The following ITPR2 variants were observed in gnomAD, a reference collection of about 807,000 sequenced individuals.
ITPR2 encodes the protein inositol 1,4,5-trisphosphate-gated calcium channel ITPR2.
A neutral mutation model predicts 317.1 loss-of-function variants in ITPR2; 207 were observed. That is an observed-to-expected ratio of 0.65 (90% CI 0.58 to 0.73). The LOEUF (loss-of-function observed/expected upper bound fraction) is 0.73. Ranked by LOEUF, ITPR2 falls within the 30% of genes least tolerant of loss-of-function variation. ITPR2 has a pLI of 0.00. For synonymous variants in ITPR2, 1,156 were observed against 1,149.1 expected (o/e 1.01, Z -0.12); for missense variants, 2,613 against 3,284.0 (o/e 0.80, Z 4.99).
At chr12:26,429,352 T>C (rs1396592608) in intron 48 of ITPR2, among the ~76,000 whole-genome samples, 1 of 152,220 alleles carries the variant, frequency 6.6e-6, no homozygotes, top group Non-Finnish European at 1.5e-5. Context: ...ACCAAATTTA[T>C]AATCTGATAA....
chr12:26,532,711 G>A (rs6487558), intron 37 of ITPR2, among the ~76,000 whole-genome samples: 106,166 of 151,966 alleles, frequency 0.7, 38,899 homozygotes, highest in Non-Finnish European at 0.83. Flanking sequence ...TTTTGGAGAC[G>A]GAGTTTTCGA....
chr12:26,365,371 A>C (rs1275844191), intron 55 of ITPR2, among the ~76,000 whole-genome samples: 2 of 152,190 alleles, frequency 1.3e-5, no homozygotes, highest in African/African-American at 4.8e-5. Flanking sequence ...AACTTTAATT[A>C]CATGACTCTT....
Position 26,665,922 on chromosome 12 carries a change from G to A in ITPR2, c.1539C>T (p.Asn513=). 6.2e-7 allele frequency: 1 copy of A among 1,611,822 alleles called. No individual in the cohort carries two copies. The highest frequency in any genetic ancestry group is 8.5e-7 in the Non-Finnish European group (1 of 1,179,438). ...TGAAAAAATTCACCTGTGCCAGTAT[G>A]TTTTGTTCCCTCATCAATTTTTGAC... The part of the protein sequence containing the change: ...RERQKLMREQ[N]ILAQVFGILK... The change falls in exon 14 of 57, where the codon AAC becomes AAT. Residue 513 remains asparagine, a synonymous_variant. Coordinates refer to ENST00000381340, the MANE Select transcript of ITPR2 (RefSeq NM_002223.4).
At chr12:26,495,520 G>A (rs1281076460) in intron 37 of ITPR2, 1 of 364,922 alleles carries the variant, frequency 2.7e-6, no homozygotes, top group African/African-American at 2.1e-5. Context: ...TATTGTGGTG[G>A]TGGTTTCACA....
At chr12:26,604,772 C>T (rs1287445248) in intron 26 of ITPR2, among the ~76,000 whole-genome samples, 1 of 152,168 alleles carries the variant, frequency 6.6e-6, no homozygotes, top group African/African-American at 2.4e-5. Flanking sequence ...ATATTACCTG[C>T]AAGACATTAA....
chr12:26,665,813 C>T (rs1947613071), intron 14 of ITPR2, 97 bp downstream of exon 14: 2 of 1,074,774 alleles, frequency 1.9e-6, no homozygotes, highest in Non-Finnish European at 2.7e-6. Context: ...GTTTTGGGAT[C>T]ATTTGCTTCA....
At position 26,398,985 on chromosome 12, in the gene ITPR2, G is replaced by A. The variant is rs935597820; in HGVS notation, c.7587C>T (p.Ile2529=). 1.2e-5 allele frequency: 20 copies of A among 1,606,754 alleles called. No individual in the cohort carries two copies. The highest frequency in any genetic ancestry group is 1.7e-5 in the Non-Finnish European group (20 of 1,178,060). ...VYDLLFYFIV[I]IIVLNLIFGV... Reference sequence around the variant, plus strand: ...CAAAAATCAAGTTCAGAACAATAATGATAACAATGAAATAAAAAAGAAGGT... The same window carrying A: ...CAAAAATCAAGTTCAGAACAATAATAATAACAATGAAATAAAAAAGAAGGT... Residue 2529 remains isoleucine (I), a synonymous_variant, in exon 54 of 57, where the codon ATC becomes ATT. Coordinates refer to ENST00000381340, the MANE Select transcript of ITPR2 (RefSeq NM_002223.4).
chr12:26,522,094 A>G (rs1467473656), intron 37 of ITPR2, among the ~76,000 whole-genome samples: 1 of 152,240 alleles, frequency 6.6e-6, no homozygotes, highest in Non-Finnish European at 1.5e-5. Flanking sequence ...TTTACTAAGA[A>G]CCAAAAAGAA....
In ITPR2 at chr12:26,624,316, T is replaced by C; in HGVS notation, c.3105A>G (p.Glu1035=). The part of the protein sequence containing the change: ...PDIDEIAAQA[E]TMFAGRKEKN... ...TACTATACCTTCCCGCAAACATAGT[T>C]TCTGCCTGAGCTGCAATTTCATCTA... Residue 1035 remains glutamate, a synonymous_variant, in exon 24 of 57, where the codon GAA becomes GAG. Transcript: ENST00000381340. 2 of 1,608,938 alleles carry C rather than the reference T, an allele frequency of 1.2e-6. No individual in the cohort carries two copies. Among genetic ancestry groups the C allele is most frequent in the Non-Finnish European group, 1.7e-6 (2 of 1,176,582 alleles).
In ITPR2 at chr12:26,832,921, G is replaced by T; in HGVS notation, c.-140C>A. 1 of 660,680 alleles carries T rather than the reference G, an allele frequency of 1.5e-6. No homozygotes were observed. Among genetic ancestry groups the T allele is most frequent in the Non-Finnish European group, 2.6e-6 (1 of 387,606 alleles). 40.9% of individuals were successfully genotyped at this position (660,680 alleles called of 1,614,324 possible). A position where few individuals can be genotyped will look rare whatever the true frequency, so the allele number is the denominator to read the frequency against. On this transcript the variant is annotated 5_prime_UTR_variant, in exon 1 of 57. Transcript: ENST00000381340. ...AGCCGCGGCGGAGGGCACGGCCCGAGCCACTGAGCGTCGCGGCTCAGCCGT... is the reference window on the plus strand; with the variant it reads ...AGCCGCGGCGGAGGGCACGGCCCGATCCACTGAGCGTCGCGGCTCAGCCGT...
intron 45 of ITPR2, among the ~76,000 whole-genome samples, chr12:26,472,537 T>A (rs1315290483): frequency 1.3e-5 from 2 of 152,124 alleles, no homozygotes; most frequent in Non-Finnish European, 2.9e-5. Context: ...CATTTTCACA[T>A]CATTGATATC....
chr12:26,643,826 A>G (rs901602965), intron 21 of ITPR2, among the ~76,000 whole-genome samples: 2 of 152,226 alleles, frequency 1.3e-5, no homozygotes, highest in Non-Finnish European at 2.9e-5. Flanking sequence ...AAATATGAGA[A>G]AAGAGAAATG....
intron 13 of ITPR2, among the ~76,000 whole-genome samples, chr12:26,675,441 G>A (rs943449944): frequency 7.2e-5 from 11 of 151,814 alleles, no homozygotes; most frequent in Non-Finnish European, 1.0e-4. Context: ...GTAAACTATC[G>A]CAAGAACAAA....
intron 54 of ITPR2, among the ~76,000 whole-genome samples, chr12:26,396,631 C>T (rs879356829): frequency 2.0e-5 from 3 of 152,104 alleles, no homozygotes; most frequent in Non-Finnish European, 4.4e-5. Context: ...CACCCTCCTC[C>T]ACACTCCAGA....
intron 37 of ITPR2, among the ~76,000 whole-genome samples, chr12:26,531,447 A>G (rs1943940119): frequency 6.6e-6 from 1 of 152,252 alleles, no homozygotes; most frequent in African/African-American, 2.4e-5. Flanking sequence ...AAGTATAAAT[A>G]GTGGCTTCTT....
At chr12:26,816,766 A>G (rs1453620498) in intron 1 of ITPR2, among the ~76,000 whole-genome samples, 1 of 152,190 alleles carries the variant, frequency 6.6e-6, no homozygotes, top group Non-Finnish European at 1.5e-5. Context: ...GAGATCAGGA[A>G]CAGTTCACTA....
At chr12:26,379,320 AAGT>A (rs1407248888) in intron 55 of ITPR2, among the ~76,000 whole-genome samples, 1 of 152,236 alleles carries the variant, frequency 6.6e-6, no homozygotes, top group African/African-American at 2.4e-5. Context: ...TCAGCTGGAT[AAGT>A]AGTCAACACT....
At chr12:26,781,700 C>G (rs992497054) in intron 2 of ITPR2, among the ~76,000 whole-genome samples, 3 of 151,830 alleles carry the variant, frequency 2.0e-5, no homozygotes, top group African/African-American at 7.3e-5. Context: ...AGTATTGATC[C>G]TGGATGTGTC....
intron 55 of ITPR2, among the ~76,000 whole-genome samples, chr12:26,366,086 T>C (rs1170796871): frequency 6.6e-6 from 1 of 152,192 alleles, no homozygotes; most frequent in Non-Finnish European, 1.5e-5. Context: ...CTTATTTTCC[T>C]ACATCGGTTG....
Sources: allele counts gnomAD v4.1 joint callset (sites outside exome capture counted in the v4.1 genomes callset), GRCh38; gene constraint gnomAD v4.1.1; transcripts MANE v1.5; gene names NCBI Gene and HGNC (gene_info 2026-07-23, HGNC 2026-07-21).